MOK: variants seen among roughly 807,000 people sequenced by gnomAD.
The protein encoded by MOK is MAPK/MAK/MRK overlapping kinase.
MOK carries 59 observed loss-of-function variants against 54.2 expected under a neutral mutation model. The observed-to-expected ratio is 1.09, with a 90% CI of 0.88 to 1.35. The LOEUF is 1.35. MOK is among the 40% of genes most tolerant of loss of function. MOK has a pLI of 0.00. For missense variants in MOK, 517 were observed against 526.2 expected (o/e 0.98, Z 0.17); for synonymous variants, 210 against 202.7 (o/e 1.04, Z -0.31).
downstream of MOK, among the ~76,000 whole-genome samples, chr14:102,226,627 G>A (rs1278655002): frequency 1.3e-5 from 2 of 152,198 alleles, no homozygotes; most frequent in South Asian, 2.1e-4. This position sits in a 1 kb window ranked among gnomAD's most constrained non-coding sequence, Gnocchi z 4.8. Context: ...GGAACCACAC[G>A]CAGCTGAAGC....
chr14:102,284,758 C>T (rs1330075374), intron 1 of MOK, among the ~76,000 whole-genome samples: 1 of 152,136 alleles, frequency 6.6e-6, no homozygotes, highest in African/African-American at 2.4e-5. Context: ...GACCCAGAGG[C>T]ATATGAGCGA....
chr14:102,299,240 G>A (rs548240620), intron 1 of MOK, among the ~76,000 whole-genome samples: 49 of 152,278 alleles, frequency 3.2e-4, no homozygotes, highest in African/African-American at 1.2e-3. Context: ...TGGGCCGGAC[G>A]CAGTGGCTCA....
chr14:102,286,709 T>C (rs1029732942), intron 1 of MOK, among the ~76,000 whole-genome samples: 5 of 152,096 alleles, frequency 3.3e-5, no homozygotes, highest in South Asian at 4.1e-4. Flanking sequence ...ATGGCCCCCA[T>C]AGGAAACTGG....
At chr14:102,297,899 C>A (rs957778870) in intron 1 of MOK, among the ~76,000 whole-genome samples, 2 of 152,218 alleles carry the variant, frequency 1.3e-5, no homozygotes, top group African/African-American at 4.8e-5. Flanking sequence ...TGCTCAAATT[C>A]TTTCTGGGCC....
intron 3 of MOK, among the ~76,000 whole-genome samples, chr14:102,264,825 C>A (rs2067769252): frequency 6.6e-6 from 1 of 152,210 alleles, no homozygotes; most frequent in Non-Finnish European, 1.5e-5. Flanking sequence ...ATCTTACAGG[C>A]CAGGCTCCCT....
intron 1 of MOK, among the ~76,000 whole-genome samples, chr14:102,296,599 C>T (rs1183351562): frequency 2.0e-5 from 3 of 152,020 alleles, no homozygotes; most frequent in Admixed American, 6.6e-5. Context: ...GTTTTTATTT[C>T]AAGAGAAACA....
In MOK at chr14:102,269,065, A is replaced by T. The variant is rs977027494; in HGVS notation, c.123-3153T>A. Among the ~76,000 whole-genome samples, 6 of 152,346 alleles carry T rather than the reference A, an allele frequency of 3.9e-5. No homozygotes were observed. The South Asian group carries it at 8.3e-4, about 21-fold the overall frequency. ...AAGGGGAGGAAGAAATGGTTATATT[A>T]ATATTAGACAAAATAGACTGCAAAA... On this transcript the variant is annotated intron_variant, in intron 2 of 11. Transcript: ENST00000361847.
intron 1 of MOK, among the ~76,000 whole-genome samples, chr14:102,290,520 A>T (rs910825075): frequency 6.6e-6 from 1 of 152,168 alleles, no homozygotes; most frequent in African/African-American, 2.4e-5. Context: ...AACATTAACC[A>T]TTCAATTTGT....
the MOK span, among the ~76,000 whole-genome samples, chr14:102,217,759 T>C: frequency 2.0e-5 from 3 of 152,364 alleles, no homozygotes; most frequent in Non-Finnish European, 4.4e-5. Flanking sequence ...GGTGGGAGTC[T>C]TGCACGTGAG....
At chr14:102,288,464 T>C (rs1481664799) in intron 1 of MOK, among the ~76,000 whole-genome samples, 2 of 152,212 alleles carry the variant, frequency 1.3e-5, no homozygotes, top group South Asian at 4.1e-4. Flanking sequence ...ATCCCACTTA[T>C]ATGAAATGTC....
the MOK span, among the ~76,000 whole-genome samples, chr14:102,217,262 C>T: frequency 9.2e-5 from 14 of 152,220 alleles, no homozygotes; most frequent in African/African-American, 3.4e-4. Context: ...CGGTGCTGGT[C>T]TCCATCAGTG....
At position 102,229,268 on chromosome 14, in the gene MOK, C is replaced by A; in HGVS notation, c.*21G>T. 6.4e-7 allele frequency: 1 copy of A among 1,568,468 alleles called. No homozygotes were observed. Among genetic ancestry groups the A allele is most frequent in the Non-Finnish European group, 8.7e-7 (1 of 1,155,506 alleles). ...TCGGGCTTGGTGTTGCCTCCGAAGT[C>A]GAGACGACGGTGCTGCTCAGTTATC... On this transcript the variant is annotated 3_prime_UTR_variant, in exon 12 of 12. Coordinates refer to ENST00000361847, the MANE Select transcript of MOK (RefSeq NM_014226.3).
chr14:102,278,580 A>G, intron 2 of MOK: 1 of 436,676 alleles, frequency 2.3e-6, no homozygotes, highest in Non-Finnish European at 4.6e-6. Context: ...CGGTGGGAAG[A>G]TCACCAGCTC....
intron 6 of MOK, 109 bp from the exon 7 acceptor site, chr14:102,251,099 T>C: frequency 8.4e-7 from 1 of 1,197,150 alleles, no homozygotes; most frequent in Non-Finnish European, 1.2e-6. Context: ...GCATCTAAAG[T>C]AGTCTGTAAA....
intron 3 of MOK, chr14:102,264,714 A>G (rs964131863): frequency 6.6e-6 from 1 of 152,266 alleles, no homozygotes; most frequent in Non-Finnish European, 1.5e-5. Flanking sequence ...CCACACAGTT[A>G]TAACAAGACA....
chr14:102,217,821 G>T, the MOK span, among the ~76,000 whole-genome samples: 1 of 152,266 alleles, frequency 6.6e-6, no homozygotes, highest in East Asian at 1.9e-4. Context: ...GAGCAGGCTA[G>T]CCTGGTCATA....
At chr14:102,272,769 A>G (rs1326695871) in intron 2 of MOK, among the ~76,000 whole-genome samples, 1 of 152,220 alleles carries the variant, frequency 6.6e-6, no homozygotes, top group Non-Finnish European at 1.5e-5. Flanking sequence ...CAATTTGATA[A>G]AAGACATATA....
intron 1 of MOK, among the ~76,000 whole-genome samples, chr14:102,295,073 G>A (rs1369228709): frequency 6.6e-6 from 1 of 152,104 alleles, no homozygotes; most frequent in African/African-American, 2.4e-5. Context: ...ATTTTCATAG[G>A]CCTTCAAAAT....
downstream of MOK, chr14:102,224,893 AATAAG>A (rs1256958883): frequency 6.9e-6 from 3 of 431,874 alleles, 1 homozygote; most frequent in Non-Finnish European, 4.6e-6. Context: ...TCTGTATTAA[AATAAG>A]ATATTAGCAT....
Sources: gnomAD v4.1 joint callset for allele counts (sites outside exome capture counted in the v4.1 genomes callset) on GRCh38, gnomAD v4.1.1 for gene constraint, Gnocchi (gnomAD v3.1) non-coding constraint, MANE v1.5 for transcripts, NCBI Gene and HGNC (gene_info 2026-07-23, HGNC 2026-07-21) for gene names.